Variants in ABCC8 observed in about 807,000 individuals in gnomAD.
ABCC8 encodes ATP-binding cassette sub-family C member 8.
In ABCC8, 137 loss-of-function variants were observed where a neutral mutation model predicts 188.0. That is an observed-to-expected ratio of 0.73 (90% CI 0.63 to 0.84). The LOEUF (loss-of-function observed/expected upper bound fraction) is 0.84, where lower values mean the gene tolerates loss of function less well. Ranked by LOEUF, ABCC8 falls within the 40% of genes least tolerant of loss-of-function variation. The pLI, the probability that ABCC8 is intolerant of heterozygous loss-of-function variation, is 0.00. For synonymous variants in ABCC8, 797 were observed against 846.5 expected (o/e 0.94, Z 1.01); for missense variants, 1,750 against 2,072.7 (o/e 0.84, Z 3.02).
At chr11:17,398,773 C>CTCTT (rs1397845288) in intron 29 of ABCC8, among the ~76,000 whole-genome samples, 2 of 152,142 alleles carry the variant, frequency 1.3e-5, no homozygotes, top group Non-Finnish European at 2.9e-5. Context: ...TTGGCAAGTC[C>CTCTT]TCTTATGTCT....
intron 4 of ABCC8, among the ~76,000 whole-genome samples, chr11:17,462,713 T>G (rs1847899121): frequency 6.6e-6 from 1 of 152,192 alleles, no homozygotes; most frequent in Non-Finnish European, 1.5e-5. Context: ...TATGCAGCCA[T>G]TAAGAAAACG....
chr11:17,454,884 G>T (rs1159463079), intron 6 of ABCC8, among the ~76,000 whole-genome samples: 1 of 152,178 alleles, frequency 6.6e-6, no homozygotes, highest in East Asian at 1.9e-4. Flanking sequence ...TTACAGGTTT[G>T]TGACTTGTGG....
At chr11:17,435,889 G>C in intron 10 of ABCC8, 2 of 1,318,208 alleles carry the variant, frequency 1.5e-6, no homozygotes, top group Non-Finnish European at 2.2e-6. Flanking sequence ...TTCCAAATAA[G>C]ACTCAAAGTT....
At chr11:17,466,625 T>G (rs1848167232) in intron 3 of ABCC8, among the ~76,000 whole-genome samples, 1 of 152,116 alleles carries the variant, frequency 6.6e-6, no homozygotes, top group Non-Finnish European at 1.5e-5. Flanking sequence ...TACTTTTTTT[T>G]TCTTTTTTTG....
chr11:17,449,762 T>A (rs1348519797), intron 7 of ABCC8, among the ~76,000 whole-genome samples: 1 of 152,208 alleles, frequency 6.6e-6, no homozygotes, highest in Admixed American at 6.5e-5. Context: ...AAACCCAGGC[T>A]TTTTTGTGGG....
At chr11:17,393,628 T>C in intron 38 of ABCC8, 69 bp downstream of exon 38, 6 of 1,607,356 alleles carry the variant, frequency 3.7e-6, no homozygotes, top group Non-Finnish European at 5.1e-6. Flanking sequence ...GGCTGTGCAC[T>C]GATGACGGCC....
At position 17,414,395 on chromosome 11, in the gene ABCC8, AC is replaced by A. The variant is rs1200638006; in HGVS notation, c.2390+116del. 42 of 1,425,016 alleles carry A rather than the reference AC, an allele frequency of 2.9e-5. No individual in the cohort carries two copies. In the South Asian group the frequency reaches 4.9e-4, roughly 16 times the overall value. The allele number at this position is 1,425,016 out of a possible 1,614,324, so 88.3% of individuals were successfully genotyped here. A position where few individuals can be genotyped will look rare whatever the true frequency, so the allele number is the denominator to read the frequency against. ...TGGAGAGGCTGGAGTGCAGGTAAGC[AC>A]CTGGGGAGTGAGATGGCTGGGTGTG... On this transcript the variant is annotated intron_variant, in intron 19 of 38. Transcript: ENST00000389817.
intron 7 of ABCC8, among the ~76,000 whole-genome samples, chr11:17,452,294 A>G (rs1956845354): frequency 6.6e-6 from 1 of 152,224 alleles, no homozygotes. Flanking sequence ...GTGACCCAAC[A>G]GACCAAATAG....
rs1411814587 is a variant in ABCC8, at chr11:17,474,873, G to C, written c.290+13C>G. On this transcript the variant is annotated intron_variant, in intron 2 of 38. Coordinates refer to ENST00000389817, the MANE Select transcript of ABCC8 (RefSeq NM_000352.6). ...GCAGATTCACTTTCCTGAGTCCTCA[G>C]ACAGTCACTCACCCATCAGACAGGA... 18 of 1,613,932 alleles carry C rather than the reference G, an allele frequency of 1.1e-5. No homozygotes were observed. Among genetic ancestry groups the C allele is most frequent in the Non-Finnish European group, 1.4e-5 (17 of 1,179,784 alleles).
At chr11:17,410,298 A>G in intron 22 of ABCC8, 1 of 558,832 alleles carries the variant, frequency 1.8e-6, no homozygotes, top group South Asian at 2.4e-5. Flanking sequence ...GGCCCGGGCC[A>G]GGATGGGGAG....
intron 36 of ABCC8, 158 bp from the exon 37 acceptor site, chr11:17,394,557 T>A (rs1392183985): frequency 1.2e-6 from 1 of 836,068 alleles, no homozygotes; most frequent in Non-Finnish European, 1.4e-6. Context: ...CTGGTGCACC[T>A]GACACAACAA....
intron 11 of ABCC8, 95 bp downstream of exon 11, chr11:17,432,109 C>G: frequency 6.8e-7 from 1 of 1,465,638 alleles, no homozygotes; most frequent in South Asian, 1.2e-5. Flanking sequence ...TCTTCTGAGG[C>G]CCCTGTGCAG....
rs1956920041 is a variant in ABCC8, at chr11:17,454,440, C to G, written c.1012-1157G>C. 3.3e-5 allele frequency among the ~76,000 whole-genome samples: 5 copies of G among 152,144 alleles called. No homozygotes were observed. The South Asian group carries it at 1.0e-3, about 31-fold the overall frequency. ...GCAGGAAGCAGCCACAGGGAGACCA[C>G]TGAGGGATGCGTGCAAGACTCTAAG... On this transcript the variant is annotated intron_variant, in intron 6 of 38. Transcript: ENST00000389817.
intron 3 of ABCC8, among the ~76,000 whole-genome samples, chr11:17,469,411 T>C (rs1848356640): frequency 6.6e-6 from 1 of 152,030 alleles, no homozygotes; most frequent in Admixed American, 6.6e-5. Flanking sequence ...AAGCTTTAGA[T>C]GTCATCTACA....
chr11:17,426,983 C>T, intron 16 of ABCC8, 66 bp downstream of exon 16: 1 of 1,578,234 alleles, frequency 6.3e-7, no homozygotes. Context: ...TGTGTGCATC[C>T]TCAACTGAGG....
chr11:17,424,174 G>T (rs1405577648), intron 16 of ABCC8, among the ~76,000 whole-genome samples: 2 of 151,802 alleles, frequency 1.3e-5, no homozygotes, highest in Non-Finnish European at 2.9e-5. Flanking sequence ...GGGGTGGGAG[G>T]CAAGAGGAGG....
intron 8 of ABCC8, among the ~76,000 whole-genome samples, chr11:17,447,285 G>A (rs572555652): frequency 1.4e-4 from 22 of 152,166 alleles, no homozygotes; most frequent in Non-Finnish European, 2.8e-4. Flanking sequence ...GAAGAGCTCC[G>A]GGTGGGAGAT....
intron 2 of ABCC8, among the ~76,000 whole-genome samples, chr11:17,474,462 T>A (rs923020752): frequency 1.3e-5 from 2 of 151,850 alleles, no homozygotes; most frequent in Non-Finnish European, 2.9e-5. Context: ...CCTTGAATGG[T>A]GGGCTGAGGA....
At chr11:17,436,468 G>A (rs1956100193) in intron 10 of ABCC8, among the ~76,000 whole-genome samples, 1 of 152,140 alleles carries the variant, frequency 6.6e-6, no homozygotes, top group African/African-American at 2.4e-5. Flanking sequence ...GTGGTGGAGG[G>A]GTGGGGAATA....
Sources: gnomAD v4.1 joint callset for allele counts (sites outside exome capture counted in the v4.1 genomes callset) on GRCh38, gnomAD v4.1.1 for gene constraint, MANE v1.5 for transcripts, NCBI Gene and HGNC (gene_info 2026-07-23, HGNC 2026-07-21) for gene names.